WIPI2: variants seen among roughly 807,000 people sequenced by gnomAD.
WIPI2 encodes the protein WD repeat domain phosphoinositide-interacting protein 2.
WIPI2 carries 28 observed loss-of-function variants against 52.3 expected under a neutral mutation model. The ratio of observed to expected loss-of-function variants is 0.54; its 90% CI spans 0.40 to 0.73. WIPI2 has a LOEUF of 0.73. Ranked by LOEUF, WIPI2 falls within the 30% of genes least tolerant of loss-of-function variation. The probability of loss-of-function intolerance (pLI) is 0.00; values close to 1 mark genes in which losing one functional copy is unlikely to be tolerated. For synonymous variants in WIPI2, 268 were observed against 245.0 expected (o/e 1.09, Z -0.88); for missense variants, 506 against 602.9 (o/e 0.84, Z 1.68).
chr7:5,223,422 C>G (rs1184385045), intron 8 of WIPI2, among the ~76,000 whole-genome samples: 1 of 152,164 alleles, frequency 6.6e-6, no homozygotes, highest in Non-Finnish European at 1.5e-5. Flanking sequence ...GTCCCCTTTC[C>G]TCATGGGATC....
rs538737469 is a variant in WIPI2, at chr7:5,225,686, A to G, written c.741-137A>G. On this transcript the variant is annotated intron_variant, in intron 8 of 12. Coordinates refer to ENST00000288828, the MANE Select transcript of WIPI2 (RefSeq NM_015610.4). Reference sequence around the variant, plus strand: ...TCCTCTCTCAAGGAAAATGTTTGAGAAGGTGGCTAGAGGGGAATAAAACTT... The same window carrying G: ...TCCTCTCTCAAGGAAAATGTTTGAGGAGGTGGCTAGAGGGGAATAAAACTT... The G allele has an allele frequency of 6.7e-6, 4 of 599,988 alleles. No individual in the cohort carries two copies. The East Asian group carries it at 1.1e-4, about 17-fold the overall frequency. The allele number at this position is 599,988 out of a possible 1,614,324, so 37.2% of individuals were successfully genotyped here.
chr7:5,216,849 A>G (rs956879032), intron 5 of WIPI2, 190 bp downstream of exon 5: 65 of 702,146 alleles, frequency 9.3e-5, no homozygotes, highest in Admixed American at 1.4e-4. Flanking sequence ...GGTTTGATCA[A>G]CTTTCAAGTT....
chr7:5,211,537 C>T (rs1006814935), intron 3 of WIPI2, among the ~76,000 whole-genome samples: 3 of 152,170 alleles, frequency 2.0e-5, no homozygotes, highest in African/African-American at 7.2e-5. Context: ...AGTGTTTATG[C>T]GGGGTCACAA....
In WIPI2 at chr7:5,225,761, A is replaced by G. The variant is rs114754881; in HGVS notation, c.741-62A>G. On this transcript the variant is annotated intron_variant, in intron 8 of 12. Transcript: ENST00000288828. The stretch of plus-strand genomic sequence containing the variant: ...GACAGGAACTCTTCTCCGCCACTTG[A>G]GTTGAACCCCTGGGGCAGCTGCTGG... 566 of 1,235,534 alleles carry G rather than the reference A, an allele frequency of 4.6e-4. 1 individual carries two copies. In the African/African-American group the frequency reaches 7.5e-3, roughly 16 times the overall value. The allele number at this position is 1,235,534 out of a possible 1,614,324, so 76.5% of individuals were successfully genotyped here.
intron 4 of WIPI2, 113 bp downstream of exon 4, chr7:5,214,817 G>T: frequency 8.1e-7 from 1 of 1,228,192 alleles, no homozygotes. Flanking sequence ...CTGGCCCCAC[G>T]TTGCCGGGCA....
At position 5,231,174 on chromosome 7, in the gene WIPI2, T is replaced by G. The variant is rs1256527814; in HGVS notation, c.*227T>G. ...TGCTTATGAATTTTAGCTTTTTGTTTGTTTGTTTTCTCTTTTTGCCAAAAT... is the reference window on the plus strand; with the variant it reads ...TGCTTATGAATTTTAGCTTTTTGTTGGTTTGTTTTCTCTTTTTGCCAAAAT... On this transcript the variant is annotated 3_prime_UTR_variant, in exon 13 of 13. Coordinates refer to ENST00000288828, the MANE Select transcript of WIPI2 (RefSeq NM_015610.4). 9.6e-6 allele frequency: 4 copies of G among 418,780 alleles called. No homozygotes were observed. Among genetic ancestry groups the G allele is most frequent in the Non-Finnish European group, 1.7e-5 (4 of 238,336 alleles). 25.9% of individuals were successfully genotyped at this position (418,780 alleles called of 1,614,324 possible). A position where few individuals can be genotyped will look rare whatever the true frequency, so the allele number is the denominator to read the frequency against.
chr7:5,196,198 G>A (rs904576545), intron 2 of WIPI2, among the ~76,000 whole-genome samples: 1 of 151,948 alleles, frequency 6.6e-6, no homozygotes, highest in Non-Finnish European at 1.5e-5. Flanking sequence ...AATTTGCTGG[G>A]CACGGTGGTG....
intron 3 of WIPI2, among the ~76,000 whole-genome samples, chr7:5,207,788 T>C (rs1674025480): frequency 1.3e-5 from 2 of 148,584 alleles, no homozygotes; most frequent in African/African-American, 4.9e-5. Flanking sequence ...TTTTTTTTTT[T>C]TGAGAGAGTC....
At chr7:5,215,919 CT>C (rs1280429636) in intron 4 of WIPI2, among the ~76,000 whole-genome samples, 1 of 152,222 alleles carries the variant, frequency 6.6e-6, no homozygotes, top group East Asian at 1.9e-4. Flanking sequence ...TTAAAACCCC[CT>C]TATTTTCATT....
intron 2 of WIPI2, among the ~76,000 whole-genome samples, chr7:5,197,174 A>T (rs1781798314): frequency 6.7e-6 from 1 of 149,762 alleles, no homozygotes; most frequent in South Asian, 2.1e-4. Context: ...TTAGCACTAC[A>T]GTCTGGCTGT....
chr7:5,211,872 C>G (rs184461337), intron 3 of WIPI2, among the ~76,000 whole-genome samples: 11 of 152,246 alleles, frequency 7.2e-5, no homozygotes, highest in Non-Finnish European at 1.5e-4. Flanking sequence ...GCAGGGTCGC[C>G]GTGGCACCCA....
At position 5,232,475 on chromosome 7, in the gene WIPI2, G is replaced by T. The variant is rs1314669883; in HGVS notation, c.*1528G>T. The stretch of plus-strand genomic sequence containing the variant: ...CACAACATCTGCATTAGGCAGAGGT[G>T]CAAGTGGGCTGATTGAACTTTTCCT... On this transcript the variant is annotated 3_prime_UTR_variant, in exon 13 of 13. Transcript: ENST00000288828. 7.6e-6 allele frequency: 3 copies of T among 397,270 alleles called. No homozygotes were observed. In the East Asian group the frequency reaches 1.1e-4, roughly 14 times the overall value. The allele number at this position is 397,270 out of a possible 1,614,324, so 24.6% of individuals were successfully genotyped here.
At position 5,230,202 on chromosome 7, in the gene WIPI2, A is replaced by G. The variant is rs1783663837; in HGVS notation, c.1252+464A>G. ...AAAGTACTGCCAAGGGTTTTGCCTC[A>G]GTCTTTTCCCTCCCACCTTTTTCGT... On this transcript the variant is annotated intron_variant, in intron 12 of 12. Coordinates refer to ENST00000288828, the MANE Select transcript of WIPI2 (RefSeq NM_015610.4). The surrounding 1 kb of genome is among the most constrained non-coding windows in gnomAD (Gnocchi z 4.8). 6.6e-6 allele frequency among the ~76,000 whole-genome samples: 1 copy of G among 152,142 alleles called. No homozygotes were observed. Among genetic ancestry groups the G allele is most frequent in the Non-Finnish European group, 1.5e-5 (1 of 68,020 alleles).
At chr7:5,206,815 G>A (rs1249738537) in intron 3 of WIPI2, among the ~76,000 whole-genome samples, 1 of 152,020 alleles carries the variant, frequency 6.6e-6, no homozygotes, top group Non-Finnish European at 1.5e-5. Context: ...TGTCACCCAG[G>A]CTGCCAGGCT....
chr7:5,206,733 A>AAC lies in WIPI2; in HGVS notation c.211+7091_211+7092dup, dbSNP rs113374050. 3.0e-3 allele frequency among the ~76,000 whole-genome samples: 455 copies of AAC among 150,940 alleles called. 2 individuals carry two copies. The highest frequency in any genetic ancestry group is 9.0e-3 in the African/African-American group (370 of 41,318). The stretch of plus-strand genomic sequence containing the variant: ...CTTGACATTTTACTATACTTGTCCT[A>AAC]ACACACACACACACACAGACACCAT... On this transcript the variant is annotated intron_variant, in intron 3 of 12. Transcript: ENST00000288828.
intron 1 of WIPI2, 56 bp downstream of exon 1, chr7:5,190,549 AG>A: frequency 2.2e-6 from 3 of 1,371,978 alleles, no homozygotes; most frequent in East Asian, 3.2e-5. Context: ...GACCCGGGCT[AG>A]GGGGAGGGCC....
At chr7:5,224,357 G>T (rs1318561626) in intron 8 of WIPI2, among the ~76,000 whole-genome samples, 1 of 152,188 alleles carries the variant, frequency 6.6e-6, no homozygotes, top group East Asian at 1.9e-4. Flanking sequence ...TGCCTTCCAC[G>T]TATTTTTCTC....
intron 3 of WIPI2, among the ~76,000 whole-genome samples, chr7:5,206,136 C>T (rs1782285356): frequency 6.6e-6 from 1 of 152,020 alleles, no homozygotes. Flanking sequence ...TTCCTGCTCC[C>T]AGCATGTACA....
chr7:5,197,600 G>A (rs1288058666), intron 2 of WIPI2, among the ~76,000 whole-genome samples: 6 of 152,128 alleles, frequency 3.9e-5, no homozygotes, highest in Non-Finnish European at 8.8e-5. Context: ...ATCCTTCTAA[G>A]ATAAATCAAT....
Sources: gnomAD v4.1 joint callset for allele counts (sites outside exome capture counted in the v4.1 genomes callset) on GRCh38, gnomAD v4.1.1 for gene constraint, Gnocchi (gnomAD v3.1) non-coding constraint, MANE v1.5 for transcripts, NCBI Gene and HGNC (gene_info 2026-07-23, HGNC 2026-07-21) for gene names.